The following OLFM3 variants were observed in gnomAD, a reference collection of about 807,000 sequenced individuals.
OLFM3 encodes the protein olfactomedin 3, also known as noelin-3.
Under a neutral mutation model 48.6 loss-of-function variants are expected in OLFM3, and 20 were observed. The ratio of observed to expected loss-of-function variants is 0.41; its 90% CI spans 0.29 to 0.60. The LOEUF is 0.60. OLFM3 is among the 20% of genes least tolerant of loss of function. OLFM3 has a pLI of 0.28. For missense variants in OLFM3, 437 were observed against 544.3 expected (o/e 0.80, Z 1.96); for synonymous variants, 222 against 198.1 (o/e 1.12, Z -1.01).
At chr1:101,892,422 T>C (rs1658036234) in intron 1 of OLFM3, among the ~76,000 whole-genome samples, 1 of 152,206 alleles carries the variant, frequency 6.6e-6, no homozygotes, top group South Asian at 2.1e-4. Context: ...GAGCAGTCTT[T>C]GAGATTTGCG....
intron 1 of OLFM3, among the ~76,000 whole-genome samples, chr1:101,842,064 G>A (rs1410111437): frequency 6.6e-6 from 1 of 152,112 alleles, no homozygotes; most frequent in Non-Finnish European, 1.5e-5. Context: ...GCTGTGTTCT[G>A]GAGGATGTTA....
rs1314104606 is a variant in OLFM3, at chr1:101,825,035, T to G, written c.583A>C (p.Lys195Gln). The change falls in exon 4 of 6, where the codon AAA becomes CAA. Residue 195 changes from lysine to glutamine, a missense_variant. Coordinates refer to ENST00000370103, the MANE Select transcript of OLFM3 (RefSeq NM_058170.4). ...SLETRLRDCM[K>Q]KLTCGKLMKI... The stretch of plus-strand genomic sequence containing the variant: ...AAATTGTCATACTCACTTAGCTTTT[T>G]CATGCAGTCACGAAGTCTTGTTTCC... 3.7e-6 allele frequency: 6 copies of G among 1,613,918 alleles called. No homozygotes were observed. Among genetic ancestry groups the G allele is most frequent in the Non-Finnish European group, 5.1e-6 (6 of 1,179,812 alleles).
At chr1:101,996,387 T>C (rs1661557034) in intron 1 of OLFM3, among the ~76,000 whole-genome samples, 1 of 152,120 alleles carries the variant, frequency 6.6e-6, no homozygotes, top group African/African-American at 2.4e-5. Flanking sequence ...CTAATACATG[T>C]TTATAAATTG....
At chr1:101,912,170 A>G (rs956678015) in intron 1 of OLFM3, among the ~76,000 whole-genome samples, 2 of 152,040 alleles carry the variant, frequency 1.3e-5, no homozygotes, top group African/African-American at 4.8e-5. Flanking sequence ...TATCAATCAC[A>G]TGCCTTTTCG....
At chr1:101,856,521 T>C (rs1656415515) in intron 1 of OLFM3, among the ~76,000 whole-genome samples, 1 of 151,976 alleles carries the variant, frequency 6.6e-6, no homozygotes, top group Non-Finnish European at 1.5e-5. Flanking sequence ...AACATAGCAA[T>C]AGATAAGTAA....
chr1:101,852,520 C>G (rs188906851), intron 1 of OLFM3, among the ~76,000 whole-genome samples: 1 of 152,234 alleles, frequency 6.6e-6, no homozygotes, highest in African/African-American at 2.4e-5. Context: ...TCTTCCTCAT[C>G]TATATGCTAA....
chr1:101,994,477 A>G (rs1661501144), intron 1 of OLFM3, among the ~76,000 whole-genome samples: 1 of 150,498 alleles, frequency 6.6e-6, no homozygotes, highest in African/African-American at 2.4e-5. Flanking sequence ...GCCCTTAAGT[A>G]ACTAGTAGAA....
rs558293456 is a variant in OLFM3 at position 101,830,700 on chromosome 1, C to T, written c.344G>A (p.Arg115Gln). ...AAAATGCTTGGTCATAAGTGTCTTT[C>T]GATCATCTTCAATCTGCCGAAATTT... Reference protein sequence around the residue: ...KAKFRQIEDDRKTLMTKHFQE... With the variant: ...KAKFRQIEDDQKTLMTKHFQE... The change falls in exon 3 of 6, where the codon CGA becomes CAA. Residue 115 changes from arginine to glutamine, a missense_variant. By Grantham distance (43) the Arg-to-Gln change is conservative (BLOSUM62 1). Coordinates refer to ENST00000370103, the MANE Select transcript of OLFM3 (RefSeq NM_058170.4). 2.0e-5 allele frequency: 33 copies of T among 1,614,156 alleles called. No individual in the cohort carries two copies. The East Asian group carries it at 3.3e-4, about 16-fold the overall frequency.
At chr1:101,915,561 C>G (rs1422014062) in intron 1 of OLFM3, among the ~76,000 whole-genome samples, 1 of 152,072 alleles carries the variant, frequency 6.6e-6, no homozygotes, top group Non-Finnish European at 1.5e-5. Flanking sequence ...AATACAATAT[C>G]TCTCCTCTCT....
chr1:101,810,472 A>C (rs1653996429), intron 4 of OLFM3, among the ~76,000 whole-genome samples: 1 of 152,028 alleles, frequency 6.6e-6, no homozygotes, highest in African/African-American at 2.4e-5. Context: ...ACAATTTTCC[A>C]GCTACACGCA....
At chr1:101,958,800 G>T (rs1267063105) in intron 1 of OLFM3, among the ~76,000 whole-genome samples, 1 of 148,336 alleles carries the variant, frequency 6.7e-6, no homozygotes, top group Non-Finnish European at 1.5e-5. Context: ...GTTGACAAAT[G>T]AAACTTGTAT....
chr1:101,844,864 A>G (rs1176249821), intron 1 of OLFM3, among the ~76,000 whole-genome samples: 1 of 152,142 alleles, frequency 6.6e-6, no homozygotes, highest in East Asian at 1.9e-4. Context: ...AACTGGCTTG[A>G]TGGTTTCTAA....
In OLFM3 at chr1:101,876,934, C is replaced by A. The variant is rs149691565; in HGVS notation, c.70-39909G>T. On this transcript the variant is annotated intron_variant, in intron 1 of 5. Transcript: ENST00000370103. ...ATTCCTTATCTAGCTCTGTCACCCT[C>A]TTAGGTGTCTGACTTGGGTTATAAT... Among the ~76,000 whole-genome samples, 14 of 151,998 alleles carry A rather than the reference C, an allele frequency of 9.2e-5. No individual in the cohort carries two copies. In the East Asian group the frequency reaches 2.5e-3, roughly 27 times the overall value.
intron 4 of OLFM3, among the ~76,000 whole-genome samples, chr1:101,814,291 C>A: frequency 6.7e-6 from 1 of 148,800 alleles, no homozygotes; most frequent in African/African-American, 2.5e-5. Flanking sequence ...TAGCAGAAAG[C>A]ACTGTTCCAG....
chr1:101,977,206 A>G (rs530559690), intron 1 of OLFM3, among the ~76,000 whole-genome samples: 59 of 152,338 alleles, frequency 3.9e-4, no homozygotes, highest in African/African-American at 1.3e-3. Flanking sequence ...TACAATCAAC[A>G]CTTTCTCATT....
At chr1:101,902,680 G>T (rs553969454) in intron 1 of OLFM3, among the ~76,000 whole-genome samples, 2 of 152,192 alleles carry the variant, frequency 1.3e-5, no homozygotes, top group South Asian at 2.1e-4. Flanking sequence ...GGTTCTAACT[G>T]CAGTAATCAA....
chr1:101,915,704 C>A (rs556616256), intron 1 of OLFM3, among the ~76,000 whole-genome samples: 1 of 152,262 alleles, frequency 6.6e-6, no homozygotes, highest in African/African-American at 2.4e-5. Context: ...TCGCTGGAAA[C>A]CACACACAGC....
intron 1 of OLFM3, among the ~76,000 whole-genome samples, chr1:101,908,492 G>A (rs1318312397): frequency 1.3e-5 from 2 of 152,108 alleles, no homozygotes; most frequent in Non-Finnish European, 1.5e-5. Flanking sequence ...GCAATTCTGC[G>A]CACATAGATG....
chr1:101,974,663 G>C (rs1197774030), intron 1 of OLFM3, among the ~76,000 whole-genome samples: 1 of 151,892 alleles, frequency 6.6e-6, no homozygotes, highest in Non-Finnish European at 1.5e-5. Context: ...GTTCTGACAG[G>C]GTCTACTAAT....
Sources: allele counts gnomAD v4.1 joint callset (sites outside exome capture counted in the v4.1 genomes callset), GRCh38; gene constraint gnomAD v4.1.1; transcripts MANE v1.5; gene names NCBI Gene and HGNC (gene_info 2026-07-23, HGNC 2026-07-21).